Variants in RFT1 observed in about 807,000 individuals in gnomAD.
The protein encoded by RFT1 is man(5)GlcNAc(2)-PP-dolichol translocation protein RFT1.
RFT1 carries 43 observed loss-of-function variants against 62.2 expected under a neutral mutation model. The ratio of observed to expected loss-of-function variants is 0.69; its 90% CI spans 0.54 to 0.89. The LOEUF is 0.89. RFT1 is among the 40% of genes least tolerant of loss of function. RFT1 has a pLI of 0.00. For missense variants in RFT1, 605 were observed against 649.9 expected, an observed-to-expected ratio of 0.93 and a Z score of 0.75; for synonymous variants, 262 against 264.6, an observed-to-expected ratio of 0.99 and a Z score of 0.10.
intron 4 of RFT1, 117 bp from the exon 5 acceptor site, chr3:53,121,917 C>T (rs1701980302): frequency 3.8e-6 from 3 of 789,660 alleles, no homozygotes; most frequent in Non-Finnish European, 4.3e-6. Flanking sequence ...GCAGGGCACA[C>T]AGCTGGACAT....
At chr3:53,130,111 G>A (rs1485786810) in intron 1 of RFT1, among the ~76,000 whole-genome samples, 1 of 152,198 alleles carries the variant, frequency 6.6e-6, no homozygotes, top group African/African-American at 2.4e-5. Context: ...GAAGGAAAGC[G>A]GCTTGTCTGC....
At chr3:53,112,358 CA>C (rs774686931) in intron 6 of RFT1, among the ~76,000 whole-genome samples, 56 of 152,208 alleles carry the variant, frequency 3.7e-4, no homozygotes, top group Non-Finnish European at 7.2e-4. Context: ...TTCTGCATTA[CA>C]AAAGAAATTT....
chr3:53,069,225 C>T, the RFT1 span, among the ~76,000 whole-genome samples: 1 of 152,206 alleles, frequency 6.6e-6, no homozygotes, highest in South Asian at 2.1e-4. Context: ...TAGGTGTGAG[C>T]CACTGTGCCC....
At chr3:53,098,506 T>G (rs895651340) in intron 11 of RFT1, among the ~76,000 whole-genome samples, 4 of 151,180 alleles carry the variant, frequency 2.6e-5, no homozygotes, top group African/African-American at 7.3e-5. Flanking sequence ...AGAGGCAGCA[T>G]GAAAACCCCC....
chr3:53,102,691 C>T (rs1343523838), intron 10 of RFT1, among the ~76,000 whole-genome samples: 4 of 152,324 alleles, frequency 2.6e-5, no homozygotes, highest in South Asian at 2.1e-4. Flanking sequence ...GTGCTGTGTC[C>T]GAGTCCCACA....
At chr3:53,108,006 C>T (rs1701535972) in intron 7 of RFT1, among the ~76,000 whole-genome samples, 1 of 152,178 alleles carries the variant, frequency 6.6e-6, no homozygotes, top group Admixed American at 6.5e-5. Flanking sequence ...TGGATCCACC[C>T]TCACTGCTAA....
Position 53,124,417 on chromosome 3 carries a change from G to A in RFT1, c.150-577C>T, listed in dbSNP as rs1188737127. 9.2e-5 allele frequency among the ~76,000 whole-genome samples: 14 copies of A among 152,188 alleles called. 1 individual carries two copies. The highest frequency in any genetic ancestry group is 9.2e-4 in the Admixed American group (14 of 15,284). On this transcript the variant is annotated intron_variant, in intron 2 of 12. Transcript: ENST00000296292. The stretch of plus-strand genomic sequence containing the variant: ...TGAGATCTCCCCTCCTCAATAGACA[G>A]CCGTCTGGGTGAAGCCAGAGTAGGG...
chr3:53,091,167 G>A lies in RFT1; in HGVS notation c.*736C>T, dbSNP rs1700976366. ...AAGTCCGCCTCTTGCAGGTGGCCAG[G>A]CCAGGAGTCTCCAGCCAGCTTTCAC... is the stretch of plus-strand genomic sequence containing the variant. On this transcript the variant is annotated 3_prime_UTR_variant, in exon 13 of 13. Transcript: ENST00000296292. The A allele has an allele frequency of 1.3e-5, 2 of 152,564 alleles. No homozygotes were observed. The highest frequency in any genetic ancestry group is 2.4e-5 in the African/African-American group (1 of 41,414). The allele number at this position is 152,564 out of a possible 1,614,324, so 9.5% of individuals were successfully genotyped here. A position where few individuals can be genotyped will look rare whatever the true frequency, so the allele number is the denominator to read the frequency against.
chr3:53,111,819 C>A lies in RFT1; in HGVS notation c.775+11G>T. 6.2e-7 allele frequency: 1 copy of A among 1,610,126 alleles called. No homozygotes were observed. The highest frequency in any genetic ancestry group is 8.5e-7 in the Non-Finnish European group (1 of 1,176,374). ...TGGTCTCCCGACGATTCAGAGTGAC[C>A]GTCTACTTACCTTCTGTCAAAATCT... On this transcript the variant is annotated intron_variant, in intron 7 of 12. Coordinates refer to ENST00000296292, the MANE Select transcript of RFT1 (RefSeq NM_052859.4).
intron 2 of RFT1, among the ~76,000 whole-genome samples, 196 bp from the exon 3 acceptor site, chr3:53,124,036 A>T (rs1702042745): frequency 6.6e-6 from 1 of 152,184 alleles, no homozygotes; most frequent in Non-Finnish European, 1.5e-5. Context: ...CAAATGAAAG[A>T]CACCTGAGGG....
intron 10 of RFT1, 194 bp downstream of exon 10, chr3:53,103,759 G>A (rs1012043082): frequency 1.2e-5 from 8 of 668,698 alleles, no homozygotes; most frequent in Admixed American, 2.4e-5. Flanking sequence ...TTGTCCTGGC[G>A]CCAACGCCCC....
Position 53,091,873 on chromosome 3 carries a change from G to A in RFT1, c.*30C>T. The A allele has an allele frequency of 1.2e-6, 2 of 1,612,266 alleles. No individual in the cohort carries two copies. The highest frequency in any genetic ancestry group is 1.1e-5 in the South Asian group (1 of 91,004). On this transcript the variant is annotated 3_prime_UTR_variant, in exon 13 of 13. Transcript: ENST00000296292. ...CACAGAACTACCCATAGCTGGTCCA[G>A]GTGCCTCGGGTGTCCAGGCTTCCCT...
rs754395993 is a variant in RFT1 at position 53,122,444 on chromosome 3, G to A, written c.386C>T (p.Ser129Leu). ...YATGVVLFGLSAVVELLGEPF... is the reference protein window; with the variant it reads ...YATGVVLFGLLAVVELLGEPF... Reference sequence around the variant, plus strand: ...CTCTCCTAGAAGCTCCACCACTGCCGAGAGACCAAACAGCACCACTCCAGT... The same window carrying A: ...CTCTCCTAGAAGCTCCACCACTGCCAAGAGACCAAACAGCACCACTCCAGT... The change falls in exon 4 of 13, where the codon TCG becomes TTG. Residue 129 changes from serine (S) to leucine (L), a missense_variant. By Grantham distance (145) the Ser-to-Leu change is moderately radical. Transcript: ENST00000296292. The A allele has an allele frequency of 8.1e-6, 13 of 1,613,834 alleles. No individual in the cohort carries two copies. Among genetic ancestry groups the A allele is most frequent in the Admixed American group, 1.7e-5 (1 of 59,968 alleles).
chr3:53,099,510 A>T (rs2581829), intron 10 of RFT1, 24 bp from the exon 11 acceptor site: 1 of 1,593,060 alleles, frequency 6.3e-7, no homozygotes, highest in Non-Finnish European at 8.6e-7. Flanking sequence ...ACTCACTGAG[A>T]CTCCAGAGCC....
rs1701921368 is a variant in RFT1, at chr3:53,119,959, G to A, written c.621C>T (p.Ser207=). The A allele has an allele frequency of 1.2e-6, 2 of 1,612,422 alleles. No individual in the cohort carries two copies. Among genetic ancestry groups the A allele is most frequent in the Non-Finnish European group, 1.7e-6 (2 of 1,179,318 alleles). ...YVIYFTKLLG[S]PESTKLQTLP... Reference sequence around the variant, plus strand: ...GAGTTTGAAGCTTGGTTGATTCTGGGGAACCCAGTAACTTTGTGAAATAAA... The same window carrying A: ...GAGTTTGAAGCTTGGTTGATTCTGGAGAACCCAGTAACTTTGTGAAATAAA... The change falls in exon 6 of 13, where the codon TCC becomes TCT. Residue 207 remains serine, a synonymous_variant. Coordinates refer to ENST00000296292, the MANE Select transcript of RFT1 (RefSeq NM_052859.4).
In RFT1 at chr3:53,091,567, T is replaced by G; in HGVS notation, c.*336A>C. On this transcript the variant is annotated 3_prime_UTR_variant, in exon 13 of 13. Transcript: ENST00000296292. The stretch of plus-strand genomic sequence containing the variant: ...AATTATTAACAGTTAACAATTAAGA[T>G]ATAGTTTGTTGGAGCATGTAGCTCC... The G allele has an allele frequency of 6.2e-6, 2 of 322,922 alleles. No homozygotes were observed. The highest frequency in any genetic ancestry group is 7.2e-5 in the East Asian group (1 of 13,810). The allele number at this position is 322,922 out of a possible 1,614,324, so 20.0% of individuals were successfully genotyped here. A position where few individuals can be genotyped will look rare whatever the true frequency, so the allele number is the denominator to read the frequency against.
At chr3:53,084,360 C>T (rs145858561), downstream of RFT1, among the ~76,000 whole-genome samples, 2 of 152,318 alleles carry the variant, frequency 1.3e-5, no homozygotes, top group African/African-American at 4.8e-5. Flanking sequence ...GTAGATGAGC[C>T]GGGAACAAAA....
chr3:53,122,688 T>C (rs1275776415), intron 3 of RFT1, 125 bp from the exon 4 acceptor site: 1 of 498,078 alleles, frequency 2.0e-6, no homozygotes, highest in East Asian at 4.2e-5. Context: ...TATAAGATAC[T>C]AACTACATGC....
At chr3:53,105,048 A>C (rs948482614) in intron 9 of RFT1, among the ~76,000 whole-genome samples, 2 of 152,246 alleles carry the variant, frequency 1.3e-5, no homozygotes, top group African/African-American at 2.4e-5. Flanking sequence ...CTTACGCCTA[A>C]GACTAGCCCA....
Sources: gnomAD v4.1 joint callset for allele counts (sites outside exome capture counted in the v4.1 genomes callset) on GRCh38, gnomAD v4.1.1 for gene constraint, MANE v1.5 for transcripts, NCBI Gene and HGNC (gene_info 2026-07-23, HGNC 2026-07-21) for gene names.